The following GATAD2A variants were observed in gnomAD, a reference collection of about 807,000 sequenced individuals.
GATAD2A encodes the protein GATA zinc finger domain containing 2A, also known as transcriptional repressor p66-alpha.
Under a neutral mutation model 68.5 loss-of-function variants are expected in GATAD2A, and 12 were observed. That is an observed-to-expected ratio of 0.18 (90% confidence interval 0.11 to 0.28). The LOEUF (loss-of-function observed/expected upper bound fraction) is 0.28, where lower values mean the gene tolerates loss of function less well. Ranked by LOEUF, GATAD2A falls within the 10% of genes least tolerant of loss-of-function variation. GATAD2A has a pLI of 1.00. For missense variants in GATAD2A, 755 were observed against 868.5 expected, an observed-to-expected ratio of 0.87 and a Z score of 1.64; for synonymous variants, 410 against 375.3, an observed-to-expected ratio of 1.09 and a Z score of -1.07.
At chr19:19,455,659 G>C (rs888186897) in intron 1 of GATAD2A, among the ~76,000 whole-genome samples, 2 of 152,160 alleles carry the variant, frequency 1.3e-5, no homozygotes, top group African/African-American at 4.8e-5. Context: ...AAGGATGTAC[G>C]TAGGTTGTAT....
At chr19:19,414,759 T>C (rs946079397) in intron 1 of GATAD2A, among the ~76,000 whole-genome samples, 14 of 149,956 alleles carry the variant, frequency 9.3e-5, no homozygotes, top group African/African-American at 3.4e-4. Flanking sequence ...GGTCTTGAAC[T>C]CCTGGCCTCA....
At chr19:19,478,945 G>A (rs1236584608) in intron 2 of GATAD2A, among the ~76,000 whole-genome samples, 1 of 152,108 alleles carries the variant, frequency 6.6e-6, no homozygotes, top group Non-Finnish European at 1.5e-5. Context: ...AGCTTACTAA[G>A]AAGGCAGCTG....
chr19:19,435,203 A>C (rs775965393), intron 1 of GATAD2A: 5 of 491,356 alleles, frequency 1.0e-5, no homozygotes, highest in Non-Finnish European at 1.7e-5. Context: ...CATACTCCTA[A>C]GTACCTATTA....
chr19:19,458,611 T>A (rs1365721513), intron 1 of GATAD2A: 2 of 152,144 alleles, frequency 1.3e-5, no homozygotes, highest in Non-Finnish European at 2.9e-5. Context: ...AGGGCTCTGG[T>A]GAGGTACGCT....
intron 1 of GATAD2A, among the ~76,000 whole-genome samples, chr19:19,448,223 G>T (rs538707532): frequency 1.3e-5 from 2 of 152,364 alleles, no homozygotes; most frequent in Admixed American, 1.3e-4. Context: ...ACCTGTGGAG[G>T]TTTAAGACTG....
chr19:19,496,330 A>T, intron 7 of GATAD2A, 111 bp downstream of exon 7: 2 of 1,002,922 alleles, frequency 2.0e-6, no homozygotes, highest in Admixed American at 1.9e-5. Context: ...GTGTGGCATG[A>T]CCTGCCTTGC....
chr19:19,501,822 T>C, intron 9 of GATAD2A, 147 bp from the exon 10 acceptor site: 1 of 641,766 alleles, frequency 1.6e-6, no homozygotes, highest in Non-Finnish European at 2.7e-6. Context: ...GGAAGTTCTT[T>C]GCAATTCACT....
intron 1 of GATAD2A, among the ~76,000 whole-genome samples, chr19:19,422,042 C>T (rs1014383699): frequency 3.3e-5 from 5 of 152,168 alleles, no homozygotes; most frequent in Non-Finnish European, 4.4e-5. Flanking sequence ...AGGCTGATTT[C>T]GAACTCCTAA....
intron 1 of GATAD2A, among the ~76,000 whole-genome samples, chr19:19,463,225 C>T (rs992754098): frequency 2.0e-5 from 3 of 152,128 alleles, no homozygotes; most frequent in African/African-American, 7.2e-5. Context: ...TCCCACCCCT[C>T]CCACAGTGAG....
chr19:19,495,644 A>AAC, intron 5 of GATAD2A, 110 bp from the exon 6 acceptor site: 5 of 1,008,918 alleles, frequency 5.0e-6, no homozygotes, highest in South Asian at 2.0e-5. Flanking sequence ...TAAAAAAAAA[A>AAC]AAAAAAAAAA....
intron 2 of GATAD2A, among the ~76,000 whole-genome samples, chr19:19,472,227 C>T (rs968141251): frequency 1.3e-5 from 2 of 152,152 alleles, no homozygotes; most frequent in Non-Finnish European, 2.9e-5. Context: ...TGATAAGTAG[C>T]AGATCCAGTC....
Position 19,495,890 on chromosome 19 carries a change from G to A in GATAD2A, c.756+5G>A. 1 of 1,609,792 alleles carries A rather than the reference G, an allele frequency of 6.2e-7. No homozygotes were observed. Among genetic ancestry groups the A allele is most frequent in the Non-Finnish European group, 8.5e-7 (1 of 1,177,188 alleles). ...CCACTCGTCAGGGGGGCTCAGGTAA[G>A]CAGGGCTGTGCACATGGGGGAGACC... On this transcript the variant is annotated splice_donor_5th_base_variant and intron_variant, in intron 6 of 11. Coordinates refer to ENST00000683918, the MANE Select transcript of GATAD2A (RefSeq NM_001384528.1).
At chr19:19,501,767 C>T (rs575372120) in intron 9 of GATAD2A, among the ~76,000 whole-genome samples, 2 of 152,302 alleles carry the variant, frequency 1.3e-5, no homozygotes, top group African/African-American at 4.8e-5. Context: ...TCCTTCCCAC[C>T]CTCTTGTAGA....
At chr19:19,453,000 CG>C (rs2056546768) in intron 1 of GATAD2A, among the ~76,000 whole-genome samples, 1 of 152,328 alleles carries the variant, frequency 6.6e-6, no homozygotes, top group South Asian at 2.1e-4. Context: ...CCTGGTTACC[CG>C]GGAAGCCCGT....
intron 1 of GATAD2A, among the ~76,000 whole-genome samples, chr19:19,421,092 C>G (rs980798717): frequency 6.6e-6 from 1 of 152,186 alleles, no homozygotes; most frequent in Non-Finnish European, 1.5e-5. Context: ...CAGCAATGCC[C>G]GACGGACAAT....
intron 2 of GATAD2A, among the ~76,000 whole-genome samples, chr19:19,474,928 C>T (rs979670662): frequency 9.9e-5 from 15 of 152,228 alleles, no homozygotes; most frequent in Non-Finnish European, 1.6e-4. Context: ...GTCTTAAGCC[C>T]GTCACCCTTG....
At chr19:19,500,994 A>C (rs2060488722) in intron 8 of GATAD2A, 124 bp from the exon 9 acceptor site, 1 of 834,162 alleles carries the variant, frequency 1.2e-6, no homozygotes, top group South Asian at 1.7e-5. Context: ...ATTGGTGCCC[A>C]GTAGGCATTT....
At chr19:19,462,533 G>T (rs1299656348) in intron 1 of GATAD2A, among the ~76,000 whole-genome samples, 3 of 152,250 alleles carry the variant, frequency 2.0e-5, no homozygotes, top group African/African-American at 7.2e-5. Flanking sequence ...TCAGTGCCGG[G>T]CCTGGGATTG....
intron 9 of GATAD2A, 43 bp downstream of exon 9, chr19:19,501,459 G>C: frequency 6.7e-7 from 1 of 1,482,080 alleles, no homozygotes; most frequent in Non-Finnish European, 9.1e-7. Context: ...CTAGGAGGCA[G>C]AGGCCGTTCC....
Sources: gnomAD v4.1 joint callset for allele counts (sites outside exome capture counted in the v4.1 genomes callset) on GRCh38, gnomAD v4.1.1 for gene constraint, MANE v1.5 for transcripts, NCBI Gene and HGNC (gene_info 2026-07-23, HGNC 2026-07-21) for gene names.